The following SEMA5A variants were observed in gnomAD, a reference collection of about 807,000 sequenced individuals.
SEMA5A encodes semaphorin 5A.
Under a neutral mutation model 135.5 loss-of-function variants are expected in SEMA5A, and 55 were observed. The ratio of observed to expected loss-of-function variants is 0.41; its 90% CI spans 0.33 to 0.51. The LOEUF is 0.51. Among genes scored for constraint, SEMA5A ranks in the 20% least tolerant of loss-of-function variants. The pLI, the probability that SEMA5A is intolerant of heterozygous loss-of-function variation, is 0.37. For missense variants in SEMA5A, 1,290 were observed against 1,419.9 expected (o/e 0.91, Z 1.47); for synonymous variants, 580 against 546.5 (o/e 1.06, Z -0.85).
intron 5 of SEMA5A, among the ~76,000 whole-genome samples, chr5:9,270,426 T>C (rs1299251630): frequency 6.6e-6 from 1 of 152,080 alleles, no homozygotes; most frequent in East Asian, 1.9e-4. Context: ...CTCAATTCAA[T>C]AGCATTACAA....
intron 2 of SEMA5A, 127 bp downstream of exon 2, chr5:9,437,629 G>C (rs898049481): frequency 6.6e-6 from 1 of 152,200 alleles, no homozygotes; most frequent in Non-Finnish European, 1.5e-5. Flanking sequence ...TGGGATTACA[G>C]GTGTGAGCCA....
rs189006187 is a variant in SEMA5A at position 9,172,206 on chromosome 5, G to A, written c.1274-17511C>T. 2.3e-3 allele frequency among the ~76,000 whole-genome samples: 350 copies of A among 152,258 alleles called. 3 individuals are homozygous for A. Among genetic ancestry groups the A allele is most frequent in the Middle Eastern group, 0.017 (5 of 294 alleles). ...CAGACAACTGGCTATTATCCAATCC[G>A]TGCACAGAGAAATGAATGCTGCCTA... On this transcript the variant is annotated intron_variant, in intron 11 of 22. Coordinates refer to ENST00000382496, the MANE Select transcript of SEMA5A (RefSeq NM_003966.3).
At chr5:9,109,742 C>T (rs1740140823) in intron 15 of SEMA5A, among the ~76,000 whole-genome samples, 1 of 152,152 alleles carries the variant, frequency 6.6e-6, no homozygotes, top group African/African-American at 2.4e-5. Context: ...CAGGTATTCA[C>T]AGTCGAAAAT....
At chr5:9,315,811 G>C (rs773778642) in intron 5 of SEMA5A, among the ~76,000 whole-genome samples, 1 of 152,078 alleles carries the variant, frequency 6.6e-6, no homozygotes. Context: ...TGACTATTTG[G>C]TCATGGGCTA....
At chr5:9,208,316 G>A (rs779159035) in intron 8 of SEMA5A, among the ~76,000 whole-genome samples, 5 of 152,144 alleles carry the variant, frequency 3.3e-5, no homozygotes, top group Non-Finnish European at 7.3e-5. Flanking sequence ...ACAGTGGCAG[G>A]GACCATGCTA....
chr5:9,462,178 C>A (rs1272465057), intron 1 of SEMA5A, among the ~76,000 whole-genome samples: 1 of 152,136 alleles, frequency 6.6e-6, no homozygotes, highest in African/African-American at 2.4e-5. Context: ...CATGAGCACA[C>A]TTTTTAAAAG....
At chr5:9,452,947 T>G (rs1358114448) in intron 1 of SEMA5A, among the ~76,000 whole-genome samples, 1 of 152,126 alleles carries the variant, frequency 6.6e-6, no homozygotes, top group Non-Finnish European at 1.5e-5. Flanking sequence ...GAAAAGCCTG[T>G]CAAATGACTC....
At chr5:9,273,058 C>T (rs1219773835) in intron 5 of SEMA5A, among the ~76,000 whole-genome samples, 1 of 152,038 alleles carries the variant, frequency 6.6e-6, no homozygotes, top group Non-Finnish European at 1.5e-5. Context: ...TAACAAACTC[C>T]TCTAAGGTAA....
rs577936509 is a variant in SEMA5A at position 9,408,171 on chromosome 5, T to A, written c.-77-28148A>T. Among the ~76,000 whole-genome samples, 599 of 148,332 alleles carry A rather than the reference T, an allele frequency of 4.0e-3. 6 individuals are homozygous for A. The highest frequency in any genetic ancestry group is 0.015 in the African/African-American group (584 of 40,158). ...ATTATCACCACCACCACCACCACAA[T>A]CACCAACACCACTGTTACCACCACC... is the stretch of plus-strand genomic sequence containing the variant. On this transcript the variant is annotated intron_variant, in intron 2 of 22. Transcript: ENST00000382496.
chr5:9,282,665 C>T (rs1750601066), intron 5 of SEMA5A, among the ~76,000 whole-genome samples: 1 of 152,132 alleles, frequency 6.6e-6, no homozygotes, highest in Non-Finnish European at 1.5e-5. Context: ...GCAGTTGTAG[C>T]TGACCAGACG....
At chr5:9,474,152 C>A (rs1313059456) in intron 1 of SEMA5A, among the ~76,000 whole-genome samples, 1 of 152,068 alleles carries the variant, frequency 6.6e-6, no homozygotes, top group Non-Finnish European at 1.5e-5. Flanking sequence ...GAAGTCCTCT[C>A]CAAGGTGAAG....
At chr5:9,243,841 G>C (rs1748339547) in intron 5 of SEMA5A, among the ~76,000 whole-genome samples, 1 of 152,078 alleles carries the variant, frequency 6.6e-6, no homozygotes, top group African/African-American at 2.4e-5. Context: ...TATTTAAATT[G>C]CCAAATTAAG....
chr5:9,128,362 G>A (rs1378801360), intron 13 of SEMA5A, among the ~76,000 whole-genome samples: 1 of 152,168 alleles, frequency 6.6e-6, no homozygotes, highest in African/African-American at 2.4e-5. Flanking sequence ...CACTGCAAGA[G>A]GTTTCTAGAA....
intron 16 of SEMA5A, among the ~76,000 whole-genome samples, chr5:9,075,741 T>C (rs1370440150): frequency 6.6e-6 from 1 of 152,196 alleles, no homozygotes. Context: ...ACTACCTTTA[T>C]TGTGTCAATG....
intron 5 of SEMA5A, among the ~76,000 whole-genome samples, chr5:9,303,148 G>A (rs1217174199): frequency 7.0e-6 from 1 of 143,854 alleles, no homozygotes; most frequent in Non-Finnish European, 1.5e-5. Context: ...ACAGAGTCTC[G>A]CTCTGTTGCC....
intron 5 of SEMA5A, among the ~76,000 whole-genome samples, chr5:9,257,865 C>A (rs1749164158): frequency 6.6e-6 from 1 of 152,114 alleles, no homozygotes; most frequent in Non-Finnish European, 1.5e-5. Flanking sequence ...GGCAAGTCAG[C>A]CCCTAGACAG....
At chr5:9,514,953 G>A (rs114305463) in intron 1 of SEMA5A, among the ~76,000 whole-genome samples, 291 of 152,198 alleles carry the variant, frequency 1.9e-3, no homozygotes, top group Middle Eastern at 3.4e-3. Flanking sequence ...CAATTCTCTC[G>A]TTCTGTCAAC....
rs1745019910 is a variant in SEMA5A at position 9,190,157 on chromosome 5, G to T, written c.1273+110C>A. On this transcript the variant is annotated intron_variant, in intron 11 of 22. Coordinates refer to ENST00000382496, the MANE Select transcript of SEMA5A (RefSeq NM_003966.3). ...TCGCGGGTTTTGCTGGTTGCAAAAA[G>T]AGACATCAGGCGTAAAGCTTGAAAT... is the stretch of plus-strand genomic sequence containing the variant. 5.2e-6 allele frequency: 6 copies of T among 1,162,704 alleles called. No individual in the cohort carries two copies. In the African/African-American group the frequency reaches 6.2e-5, roughly 12 times the overall value. The allele number at this position is 1,162,704 out of a possible 1,614,324, so 72.0% of individuals were successfully genotyped here. A position where few individuals can be genotyped will look rare whatever the true frequency, so the allele number is the denominator to read the frequency against.
chr5:9,257,644 AATGTTTAAAATAG>A (rs1430762216), intron 5 of SEMA5A, among the ~76,000 whole-genome samples: 1 of 152,154 alleles, frequency 6.6e-6, no homozygotes, highest in East Asian at 1.9e-4. Context: ...GTCAGTGAAT[AATGTTTAAAATAG>A]ATGACGTCCC....
Sources: gnomAD v4.1 joint callset for allele counts (sites outside exome capture counted in the v4.1 genomes callset) on GRCh38, gnomAD v4.1.1 for gene constraint, MANE v1.5 for transcripts, NCBI Gene and HGNC (gene_info 2026-07-23, HGNC 2026-07-21) for gene names.